Variants in AKT3 observed in about 807,000 individuals in gnomAD.
AKT3 encodes RAC-gamma serine/threonine-protein kinase.
In AKT3, 15 loss-of-function variants were observed where a neutral mutation model predicts 65.3. That is an observed-to-expected ratio of 0.23 (90% confidence interval 0.15 to 0.35). AKT3 has a LOEUF of 0.35. Among genes scored for constraint, AKT3 ranks in the 10% least tolerant of loss-of-function variants. AKT3 has a pLI of 1.00. For synonymous variants in AKT3, 206 were observed against 183.8 expected, an observed-to-expected ratio of 1.12 and a Z score of -0.98; for missense variants, 243 against 576.5, an observed-to-expected ratio of 0.42 and a Z score of 5.92.
chr1:243,672,797 C>G (rs1683241992), intron 3 of AKT3, among the ~76,000 whole-genome samples: 1 of 152,172 alleles, frequency 6.6e-6, no homozygotes, highest in South Asian at 2.1e-4. Context: ...CCAATATTTT[C>G]CCCATCAACA....
intron 10 of AKT3, among the ~76,000 whole-genome samples, chr1:243,563,015 T>TTTTG: frequency 1.3e-5 from 2 of 152,316 alleles, no homozygotes; most frequent in South Asian, 4.1e-4. Context: ...AATCTTGCTT[T>TTTTG]TTTGTTTGTT....
Position 243,505,352 on chromosome 1 carries a change from CTATTT to C in AKT3, c.1355-23_1355-19del. ...CTCATCATCTGTGGGCAGGAAACAT[CTATTT>C]TAATTTTACACATTCATTTTTTGCA... is the stretch of plus-strand genomic sequence containing the variant. On this transcript the variant is annotated intron_variant, in intron 13 of 13. Transcript: ENST00000673466. 7 of 1,608,494 alleles carry C rather than the reference CTATTT, an allele frequency of 4.4e-6. No individual in the cohort carries two copies. Among genetic ancestry groups the C allele is most frequent in the Non-Finnish European group, 6.0e-6 (7 of 1,175,638 alleles).
chr1:243,806,722 C>G (rs550465336), intron 2 of AKT3, among the ~76,000 whole-genome samples: 1 of 152,254 alleles, frequency 6.6e-6, no homozygotes, highest in African/African-American at 2.4e-5. Context: ...TCTGAGAGAT[C>G]TGTCATTAAC....
At chr1:243,843,066 C>T (rs546972146) in intron 2 of AKT3, 59 bp downstream of exon 2, 2 of 1,558,696 alleles carry the variant, frequency 1.3e-6, no homozygotes, top group South Asian at 2.3e-5. Flanking sequence ...ACTTCTAAGA[C>T]ACCACTCACT....
chr1:243,841,826 C>A (rs1695256211), intron 2 of AKT3, among the ~76,000 whole-genome samples: 2 of 151,686 alleles, frequency 1.3e-5, no homozygotes, highest in Non-Finnish European at 2.9e-5. Flanking sequence ...CCATGAACTA[C>A]TACTCAACCA....
chr1:243,774,842 G>C (rs529089453), intron 2 of AKT3, among the ~76,000 whole-genome samples: 2 of 152,188 alleles, frequency 1.3e-5, no homozygotes, highest in Admixed American at 1.3e-4. Context: ...ACAATGTAAT[G>C]TCCAAATTTC....
chr1:243,687,499 G>A (rs1684403762), intron 3 of AKT3: 1 of 152,162 alleles, frequency 6.6e-6, no homozygotes. Flanking sequence ...TTATAAAGGA[G>A]ATAACACTGA....
At chr1:243,824,998 A>G (rs1309185735) in intron 2 of AKT3, among the ~76,000 whole-genome samples, 1 of 152,262 alleles carries the variant, frequency 6.6e-6, no homozygotes, top group African/African-American at 2.4e-5. Flanking sequence ...ACATGGAATC[A>G]ACCCAAATGC....
intron 8 of AKT3, among the ~76,000 whole-genome samples, chr1:243,574,346 T>G (rs961521766): frequency 1.3e-5 from 2 of 149,020 alleles, no homozygotes; most frequent in African/African-American, 4.9e-5. Context: ...ATATCACCTA[T>G]AGCCCCAAAA....
In AKT3 at chr1:243,621,328, C is replaced by T. The variant is rs558588456; in HGVS notation, c.562-6167G>A. 2.3e-4 allele frequency among the ~76,000 whole-genome samples: 35 copies of T among 152,330 alleles called. No individual in the cohort carries two copies. In the South Asian group the frequency reaches 6.8e-3, roughly 30 times the overall value. On this transcript the variant is annotated intron_variant, in intron 6 of 13. Coordinates refer to ENST00000673466, the MANE Select transcript of AKT3 (RefSeq NM_005465.7). ...ACGTAACATTTAACACATTTGATCACTCCTTCCTCCTGAAAACGTGTTCTT... is the reference window on the plus strand; with the variant it reads ...ACGTAACATTTAACACATTTGATCATTCCTTCCTCCTGAAAACGTGTTCTT...
At chr1:243,740,223 T>C (rs1688069033) in intron 2 of AKT3, among the ~76,000 whole-genome samples, 1 of 152,218 alleles carries the variant, frequency 6.6e-6, no homozygotes. Context: ...TACAAAGTAA[T>C]ACTTTGTGTT....
At chr1:243,607,885 T>C (rs971705538) in intron 8 of AKT3, among the ~76,000 whole-genome samples, 1 of 152,174 alleles carries the variant, frequency 6.6e-6, no homozygotes, top group Non-Finnish European at 1.5e-5. Flanking sequence ...AAGACGGTTT[T>C]ATAAGAAGCT....
chr1:243,503,454 CAG>C lies in AKT3; in HGVS notation c.*1793_*1794del, dbSNP rs1264135287. 1 of 233,438 alleles carries C rather than the reference CAG, an allele frequency of 4.3e-6. No homozygotes were observed. The highest frequency in any genetic ancestry group is 2.2e-5 in the African/African-American group (1 of 45,330). 14.5% of individuals were successfully genotyped at this position (233,438 alleles called of 1,614,324 possible). A position where few individuals can be genotyped will look rare whatever the true frequency, so the allele number is the denominator to read the frequency against. On this transcript the variant is annotated 3_prime_UTR_variant, in exon 14 of 14. Coordinates refer to ENST00000673466, the MANE Select transcript of AKT3 (RefSeq NM_005465.7). ...CTGTAGTCTTCCGTTTGGGAGCTGT[CAG>C]AGTTTAACTAAAATACATTTCCATG... is the stretch of plus-strand genomic sequence containing the variant.
At chr1:243,842,282 C>T (rs532377235) in intron 2 of AKT3, among the ~76,000 whole-genome samples, 7 of 152,154 alleles carry the variant, frequency 4.6e-5, no homozygotes, top group Admixed American at 1.3e-4. Context: ...TAGGAGGGAA[C>T]TTGTAACCAT....
At chr1:243,630,448 T>G (rs1679523906) in intron 6 of AKT3, among the ~76,000 whole-genome samples, 1 of 152,196 alleles carries the variant, frequency 6.6e-6, no homozygotes. Flanking sequence ...AGGACAGATA[T>G]TCCCACTCAG....
chr1:243,611,599 G>A (rs1316472884), intron 8 of AKT3, among the ~76,000 whole-genome samples: 1 of 151,980 alleles, frequency 6.6e-6, no homozygotes, highest in Non-Finnish European at 1.5e-5. Flanking sequence ...TGGGAGGATA[G>A]CTTAAGCTTA....
intron 2 of AKT3, among the ~76,000 whole-genome samples, 162 bp downstream of exon 2, chr1:243,842,963 A>T (rs964692961): frequency 7.2e-5 from 11 of 152,178 alleles, no homozygotes; most frequent in African/African-American, 2.4e-4. Flanking sequence ...AAATCCCTTA[A>T]TAACAAGCAA....
At chr1:243,782,227 T>C (rs1450367483) in intron 2 of AKT3, among the ~76,000 whole-genome samples, 1 of 152,192 alleles carries the variant, frequency 6.6e-6, no homozygotes, top group African/African-American at 2.4e-5. Flanking sequence ...TAAAGCGGTA[T>C]TGGCCTAAGA....
At chr1:243,790,560 C>T (rs918505044) in intron 2 of AKT3, among the ~76,000 whole-genome samples, 14 of 152,178 alleles carry the variant, frequency 9.2e-5, no homozygotes, top group African/African-American at 3.1e-4. Flanking sequence ...AGCAATACGG[C>T]TGTTTCGCTT....
Sources: gnomAD v4.1 joint callset for allele counts (sites outside exome capture counted in the v4.1 genomes callset) on GRCh38, gnomAD v4.1.1 for gene constraint, MANE v1.5 for transcripts, NCBI Gene and HGNC (gene_info 2026-07-23, HGNC 2026-07-21) for gene names.